Variants in DLG2 observed in about 807,000 individuals in gnomAD.
The protein encoded by DLG2 is disks large homolog 2.
In DLG2, 45 loss-of-function variants were observed where a neutral mutation model predicts 132.5. That is an observed-to-expected ratio of 0.34 (90% CI 0.27 to 0.44). The LOEUF is 0.44. Among genes scored for constraint, DLG2 ranks in the 20% least tolerant of loss-of-function variants. The pLI, the probability that DLG2 is intolerant of heterozygous loss-of-function variation, is 1.00. For missense variants in DLG2, 1,045 were observed against 1,196.9 expected, an observed-to-expected ratio of 0.87 and a Z score of 1.87; for synonymous variants, 424 against 419.6, an observed-to-expected ratio of 1.01 and a Z score of -0.13.
At chr11:83,682,671 C>T (rs2079030078) in intron 18 of DLG2, among the ~76,000 whole-genome samples, 1 of 152,130 alleles carries the variant, frequency 6.6e-6, no homozygotes, top group African/African-American at 2.4e-5. Context: ...TAGTAAGGAT[C>T]AACTCCTATA....
chr11:84,228,185 C>T lies in DLG2; in HGVS notation c.573+23053G>A, dbSNP rs148831517. Among the ~76,000 whole-genome samples the T allele has an allele frequency of 3.8e-3, 578 of 152,308 alleles. 4 individuals carry two copies. Among genetic ancestry groups the T allele is most frequent in the Admixed American group, 0.014 (211 of 15,298 alleles). Reference sequence around the variant, plus strand: ...TTCCGTACTCTATCTCCAGCCTCCACTGAACTTGCTTATTTGGAAACATTT... The same window carrying T: ...TTCCGTACTCTATCTCCAGCCTCCATTGAACTTGCTTATTTGGAAACATTT... On this transcript the variant is annotated intron_variant, in intron 8 of 27. Coordinates refer to ENST00000376104, the MANE Select transcript of DLG2 (RefSeq NM_001142699.3).
chr11:85,325,257 G>C (rs2081379000), intron 3 of DLG2, among the ~76,000 whole-genome samples: 1 of 152,184 alleles, frequency 6.6e-6, no homozygotes, highest in African/African-American at 2.4e-5. Context: ...GCTCGAACTG[G>C]GCGGAGCCCA....
At chr11:83,799,779 GTC>G (rs2043853087) in intron 17 of DLG2, among the ~76,000 whole-genome samples, 1 of 152,188 alleles carries the variant, frequency 6.6e-6, no homozygotes, top group South Asian at 2.1e-4. Flanking sequence ...ACTTTGCTAT[GTC>G]TGTTGGATAT....
intron 6 of DLG2, among the ~76,000 whole-genome samples, chr11:84,681,679 A>G (rs2099730403): frequency 6.6e-6 from 1 of 152,144 alleles, no homozygotes; most frequent in Non-Finnish European, 1.5e-5. Flanking sequence ...ATCCATCTGC[A>G]GTCAGTAATC....
At chr11:84,677,575 C>G (rs775457922) in intron 6 of DLG2, among the ~76,000 whole-genome samples, 1 of 152,012 alleles carries the variant, frequency 6.6e-6, no homozygotes, top group Non-Finnish European at 1.5e-5. Flanking sequence ...TTACAAAACA[C>G]TATATCAGTT....
chr11:85,168,317 A>G (rs2078606377), intron 4 of DLG2, among the ~76,000 whole-genome samples: 1 of 152,190 alleles, frequency 6.6e-6, no homozygotes, highest in Non-Finnish European at 1.5e-5. Context: ...TCAGTTCAAT[A>G]AACATTTATT....
intron 15 of DLG2, among the ~76,000 whole-genome samples, chr11:83,926,638 T>C (rs1409347429): frequency 6.6e-6 from 1 of 152,132 alleles, no homozygotes; most frequent in African/African-American, 2.4e-5. Context: ...CTAGAATATT[T>C]ATATTTAACC....
chr11:83,475,828 G>C (rs961302898), intron 22 of DLG2, among the ~76,000 whole-genome samples: 3 of 151,342 alleles, frequency 2.0e-5, no homozygotes, highest in African/African-American at 7.3e-5. Flanking sequence ...TTCTGCTCAG[G>C]AGGGGTTGGC....
chr11:83,757,880 C>G (rs751859887), intron 18 of DLG2, among the ~76,000 whole-genome samples: 8 of 152,118 alleles, frequency 5.3e-5, no homozygotes, highest in Non-Finnish European at 1.0e-4. Context: ...TTCCTATAAC[C>G]ACCTGTAGAA....
chr11:83,786,181 A>G (rs1200305121), intron 18 of DLG2, among the ~76,000 whole-genome samples: 1 of 152,180 alleles, frequency 6.6e-6, no homozygotes, highest in Non-Finnish European at 1.5e-5. Flanking sequence ...GATCTCACTG[A>G]GTCTCATGGT....
At chr11:84,166,184 A>C (rs2095657355) in intron 8 of DLG2, among the ~76,000 whole-genome samples, 1 of 152,240 alleles carries the variant, frequency 6.6e-6, no homozygotes, top group Admixed American at 6.5e-5. Context: ...TGAGGGAAAG[A>C]ATGAGACAGA....
chr11:85,352,300 T>C (rs2083354642), intron 3 of DLG2, among the ~76,000 whole-genome samples: 1 of 152,188 alleles, frequency 6.6e-6, no homozygotes, highest in African/African-American at 2.4e-5. Context: ...TCTTCTCTCT[T>C]TTCTTCTTTA....
chr11:85,146,596 TGGTAC>T (rs1444837109), intron 5 of DLG2, among the ~76,000 whole-genome samples: 2 of 152,162 alleles, frequency 1.3e-5, no homozygotes, highest in African/African-American at 2.4e-5. Context: ...GTGGCTGAGC[TGGTAC>T]CCAGGTTGCA....
At chr11:84,900,798 A>T (rs551760066) in intron 6 of DLG2, among the ~76,000 whole-genome samples, 1 of 152,052 alleles carries the variant, frequency 6.6e-6, no homozygotes, top group South Asian at 2.1e-4. Context: ...TCCTTTTTCT[A>T]TTTACCAAGC....
chr11:85,033,059 G>A (rs1292412555), intron 6 of DLG2, among the ~76,000 whole-genome samples: 3 of 152,128 alleles, frequency 2.0e-5, no homozygotes, highest in Non-Finnish European at 4.4e-5. Context: ...CCAACAAAAT[G>A]AATGAAATAT....
intron 12 of DLG2, 124 bp from the exon 13 acceptor site, chr11:83,965,592 G>A: frequency 1.3e-6 from 1 of 748,798 alleles, no homozygotes; most frequent in Non-Finnish European, 2.1e-6. Context: ...TGACATAACA[G>A]ATGAATTAAA....
chr11:83,480,171 C>T (rs1162594087), intron 22 of DLG2, among the ~76,000 whole-genome samples: 2 of 152,084 alleles, frequency 1.3e-5, no homozygotes, highest in Admixed American at 6.6e-5. Context: ...CTACTACTTG[C>T]ACAAATCACA....
In DLG2 at chr11:83,497,543, AAAAC is replaced by A. The variant is rs1462538200; in HGVS notation, c.2194-13319_2194-13316del. Among the ~76,000 whole-genome samples, 635 of 81,298 alleles carry A rather than the reference AAAAC, an allele frequency of 7.8e-3. 1 individual carries two copies. The highest frequency in any genetic ancestry group is 0.017 in the African/African-American group (472 of 28,370). The allele number at this position is 81,298 out of a possible 152,430, so 53.3% of individuals were successfully genotyped here. ...CAGAGAGACTTCGTCTCAAAAACAA[AAAAC>A]AAAAAACAAAAAACAAAACAAAACC... On this transcript the variant is annotated intron_variant, in intron 21 of 27. Coordinates refer to ENST00000376104, the MANE Select transcript of DLG2 (RefSeq NM_001142699.3).
intron 2 of DLG2, among the ~76,000 whole-genome samples, chr11:85,625,614 C>T (rs1436344949): frequency 6.6e-6 from 1 of 152,166 alleles, no homozygotes; most frequent in African/African-American, 2.4e-5. Flanking sequence ...GAATTAAACA[C>T]CATGCAGAGA....
Sources: allele counts gnomAD v4.1 joint callset (sites outside exome capture counted in the v4.1 genomes callset), GRCh38; gene constraint gnomAD v4.1.1; transcripts MANE v1.5; gene names NCBI Gene and HGNC (gene_info 2026-07-23, HGNC 2026-07-21).